The following CRY1 variants were observed in gnomAD, a reference collection of about 807,000 sequenced individuals.
The protein encoded by CRY1 is cryptochrome circadian regulator 1, also known as cryptochrome-1.
CRY1 carries 45 observed loss-of-function variants against 76.0 expected under a neutral mutation model. The observed-to-expected ratio is 0.59, with a 90% confidence interval of 0.47 to 0.76. The LOEUF is 0.76. Among genes scored for constraint, CRY1 ranks in the 30% least tolerant of loss-of-function variants. The pLI, the probability that CRY1 is intolerant of heterozygous loss-of-function variation, is 0.00. For synonymous variants in CRY1, 248 were observed against 244.0 expected, an observed-to-expected ratio of 1.02 and a Z score of -0.15; for missense variants, 587 against 716.4, an observed-to-expected ratio of 0.82 and a Z score of 2.06.
chr12:107,019,881 TGCACTACAGTCA>T (rs1197573145), intron 2 of CRY1, among the ~76,000 whole-genome samples: 2 of 152,096 alleles, frequency 1.3e-5, no homozygotes, highest in African/African-American at 4.8e-5. Context: ...ATGGCACCAC[TGCACTACAGTCA>T]GGGCAACAGA....
In CRY1 at chr12:107,022,588, TG is replaced by T. The variant is rs1565827932; in HGVS notation, c.159-397del. On this transcript the variant is annotated intron_variant, in intron 1 of 12. Transcript: ENST00000008527. ...TTGAAAAATCTAGAATATCTTCTGC[TG>T]GGGGGAAAAAACCAGAAACATCCTA... Among the ~76,000 whole-genome samples, 5 of 151,688 alleles carry T rather than the reference TG, an allele frequency of 3.3e-5. No homozygotes were observed. In the Middle Eastern group the frequency reaches 0.014, roughly 416 times the overall value.
chr12:107,031,268 G>A (rs896669803), intron 1 of CRY1, among the ~76,000 whole-genome samples: 3 of 152,040 alleles, frequency 2.0e-5, no homozygotes, highest in African/African-American at 7.2e-5. Context: ...GGGTTGAAGA[G>A]GACAGGAGAT....
intron 1 of CRY1, among the ~76,000 whole-genome samples, chr12:107,024,152 T>C (rs1461868567): frequency 1.3e-5 from 2 of 152,160 alleles, no homozygotes; most frequent in African/African-American, 4.8e-5. Flanking sequence ...TCCCCTAATC[T>C]CTGTTGTACC....
At chr12:107,063,504 G>A (rs985657863) in intron 1 of CRY1, among the ~76,000 whole-genome samples, 1 of 152,150 alleles carries the variant, frequency 6.6e-6, no homozygotes, top group Non-Finnish European at 1.5e-5. Flanking sequence ...TAAAGGGAAA[G>A]AAAATGCAAC....
chr12:107,029,224 G>T (rs1401964105), intron 1 of CRY1, among the ~76,000 whole-genome samples: 2 of 152,080 alleles, frequency 1.3e-5, no homozygotes, highest in Admixed American at 1.3e-4. Flanking sequence ...TATTTTGAGG[G>T]ATTACTCTGA....
At chr12:107,021,862 T>G (rs1952562494) in intron 2 of CRY1, among the ~76,000 whole-genome samples, 2 of 152,142 alleles carry the variant, frequency 1.3e-5, no homozygotes, top group South Asian at 4.1e-4. Flanking sequence ...ACGAGCAGTT[T>G]AAGGTAGAAG....
chr12:107,092,950 G>A lies in CRY1; in HGVS notation c.12C>T (p.Asn4=), dbSNP rs751728094. 2.8e-5 allele frequency: 44 copies of A among 1,570,756 alleles called. No homozygotes were observed. In the Admixed American group the frequency reaches 3.9e-4, roughly 14 times the overall value. The change falls in exon 1 of 13, where the codon AAC becomes AAT. Residue 4 remains asparagine (N), a synonymous_variant. Transcript: ENST00000008527. MGV[N]AVHWFRKGLR... Reference sequence around the variant, plus strand: ...GCCCCTTTCGGAACCAGTGCACGGCGTTCACCCCCATGCCGGGGGGCGCGG... The same window carrying A: ...GCCCCTTTCGGAACCAGTGCACGGCATTCACCCCCATGCCGGGGGGCGCGG...
chr12:107,066,191 C>G (rs1243208220), intron 1 of CRY1, among the ~76,000 whole-genome samples: 3 of 152,190 alleles, frequency 2.0e-5, no homozygotes, highest in Non-Finnish European at 4.4e-5. Flanking sequence ...GCCCATCCCC[C>G]AACACCAACT....
At chr12:107,044,352 C>A (rs1952828208) in intron 1 of CRY1, among the ~76,000 whole-genome samples, 1 of 152,184 alleles carries the variant, frequency 6.6e-6, no homozygotes, top group South Asian at 2.1e-4. Flanking sequence ...GCTGCTGCAG[C>A]TGCTGCCGCC....
intron 2 of CRY1, among the ~76,000 whole-genome samples, chr12:107,018,163 A>C (rs942073526): frequency 6.6e-6 from 1 of 152,234 alleles, no homozygotes; most frequent in Non-Finnish European, 1.5e-5. Context: ...AAAAAGCATA[A>C]TATAAATTTT....
intron 1 of CRY1, among the ~76,000 whole-genome samples, chr12:107,058,424 G>C (rs1245471311): frequency 1.3e-5 from 2 of 152,114 alleles, no homozygotes; most frequent in Non-Finnish European, 2.9e-5. Flanking sequence ...ATGAGCTCAA[G>C]TTGAGAAAAT....
intron 2 of CRY1, among the ~76,000 whole-genome samples, chr12:107,015,011 G>A (rs1952484430): frequency 6.6e-6 from 1 of 151,946 alleles, no homozygotes; most frequent in South Asian, 2.1e-4. Context: ...CTAAGTAGCT[G>A]GGATTACAGG....
intron 1 of CRY1, among the ~76,000 whole-genome samples, chr12:107,076,166 A>G (rs1324522519): frequency 6.6e-6 from 1 of 152,140 alleles, no homozygotes; most frequent in Non-Finnish European, 1.5e-5. Flanking sequence ...ATGTGGATAA[A>G]GAAGTGAGCA....
At chr12:107,034,150 C>T (rs1593515951) in intron 1 of CRY1, among the ~76,000 whole-genome samples, 1 of 152,076 alleles carries the variant, frequency 6.6e-6, no homozygotes, top group African/African-American at 2.4e-5. Flanking sequence ...CCAAAACCCA[C>T]CAAACCAAGA....
chr12:107,036,263 T>C (rs756573693), intron 1 of CRY1, among the ~76,000 whole-genome samples: 4 of 152,208 alleles, frequency 2.6e-5, no homozygotes, highest in African/African-American at 9.6e-5. Context: ...GAATTGGATA[T>C]TGGTGAACAC....
intron 1 of CRY1, among the ~76,000 whole-genome samples, chr12:107,054,926 T>A (rs1041334768): frequency 2.0e-5 from 3 of 152,068 alleles, no homozygotes; most frequent in African/African-American, 4.8e-5. Context: ...TGACAGAGCT[T>A]CAAATAAAGA....
At position 107,093,000 on chromosome 12, in the gene CRY1, G is replaced by A; in HGVS notation, c.-39C>T. 6.7e-7 allele frequency: 1 copy of A among 1,490,942 alleles called. No individual in the cohort carries two copies. The highest frequency in any genetic ancestry group is 2.4e-5 in the East Asian group (1 of 42,302). 92.4% of individuals were successfully genotyped at this position (1,490,942 alleles called of 1,614,324 possible). On this transcript the variant is annotated 5_prime_UTR_variant, in exon 1 of 13. Coordinates refer to ENST00000008527, the MANE Select transcript of CRY1 (RefSeq NM_004075.5). Reference sequence around the variant, plus strand: ...GCGGGTCCTCCACGGAGAAATTCAAGGAAGGAGGCTCCGGCTCATAGCCGA... The same window carrying A: ...GCGGGTCCTCCACGGAGAAATTCAAAGAAGGAGGCTCCGGCTCATAGCCGA...
intron 1 of CRY1, among the ~76,000 whole-genome samples, chr12:107,039,612 A>G (rs1179916686): frequency 1.3e-5 from 2 of 152,228 alleles, no homozygotes; most frequent in East Asian, 3.8e-4. Flanking sequence ...TCAAAACCAC[A>G]ATGAGATATC....
intron 1 of CRY1, among the ~76,000 whole-genome samples, chr12:107,084,049 G>A (rs536610405): frequency 6.6e-6 from 1 of 151,450 alleles, no homozygotes; most frequent in African/African-American, 2.4e-5. Context: ...CAATAATAGA[G>A]AGTCAAGTCA....
Sources: allele counts gnomAD v4.1 joint callset (sites outside exome capture counted in the v4.1 genomes callset), GRCh38; gene constraint gnomAD v4.1.1; transcripts MANE v1.5; gene names NCBI Gene and HGNC (gene_info 2026-07-23, HGNC 2026-07-21).